The following STAB1 variants were observed in gnomAD, a reference collection of about 807,000 sequenced individuals.
STAB1 encodes stabilin 1, also known as stabilin-1.
In STAB1, 250 loss-of-function variants were observed where a neutral mutation model predicts 332.4. The ratio of observed to expected loss-of-function variants is 0.75; its 90% CI spans 0.68 to 0.84. The LOEUF (loss-of-function observed/expected upper bound fraction) is 0.84. STAB1 is among the 40% of genes least tolerant of loss of function. The pLI is 0.00. For missense variants in STAB1, 3,249 were observed against 3,489.7 expected (o/e 0.93, Z 1.74); for synonymous variants, 1,475 against 1,390.4 (o/e 1.06, Z -1.35).
chr3:52,505,639 C>A, intron 14 of STAB1, 29 bp from the exon 15 acceptor site: 1 of 1,605,326 alleles, frequency 6.2e-7, no homozygotes. Context: ...GGCCATGCAA[C>A]CCCCTGAGCC....
chr3:52,515,355 C>A, intron 36 of STAB1, 68 bp from the exon 37 acceptor site: 1 of 1,461,806 alleles, frequency 6.8e-7, no homozygotes, highest in Non-Finnish European at 9.5e-7. Context: ...ATCTGTCTGT[C>A]TCCCCATTCA....
At chr3:52,502,132 A>G (rs764048212) in intron 4 of STAB1, 27 bp from the exon 5 acceptor site, 11 of 1,613,486 alleles carry the variant, frequency 6.8e-6, no homozygotes, top group Admixed American at 5.0e-5. Context: ...CAGAGGGGCC[A>G]CGCTGACTTG....
chr3:52,521,348 A>G lies in STAB1; in HGVS notation c.5909-13A>G. The stretch of plus-strand genomic sequence containing the variant: ...CCCCTGGCCCCACCTCACTTCTCCT[A>G]CCCCATCCCCAGCTTGCCCTGGCGG... On this transcript the variant is annotated splice_polypyrimidine_tract_variant and intron_variant, in intron 55 of 68. Coordinates refer to ENST00000321725, the MANE Select transcript of STAB1 (RefSeq NM_015136.3). The G allele has an allele frequency of 6.2e-7, 1 of 1,613,486 alleles. No homozygotes were observed. The highest frequency in any genetic ancestry group is 1.3e-5 in the African/African-American group (1 of 74,966).
chr3:52,511,605 G>T, intron 25 of STAB1, 45 bp from the exon 26 acceptor site: 1 of 1,545,298 alleles, frequency 6.5e-7, no homozygotes, highest in South Asian at 1.2e-5. Context: ...AGAAAGGGTT[G>T]GATGCTCATC....
At chr3:52,518,264 C>A in intron 45 of STAB1, 48 bp from the exon 46 acceptor site, 1 of 1,607,336 alleles carries the variant, frequency 6.2e-7, no homozygotes, top group Non-Finnish European at 8.5e-7. Context: ...AGGCACCAGG[C>A]CCTGAATGGG....
intron 16 of STAB1, 23 bp downstream of exon 16, chr3:52,505,959 G>T: frequency 1.2e-6 from 2 of 1,612,956 alleles, no homozygotes; most frequent in Non-Finnish European, 1.7e-6. Flanking sequence ...TTTCTGGGGG[G>T]CGGCCAGCTT....
intron 47 of STAB1, 43 bp downstream of exon 47, chr3:52,518,656 T>C: frequency 6.2e-7 from 1 of 1,611,562 alleles, no homozygotes; most frequent in Non-Finnish European, 8.5e-7. Context: ...CTGGGTGCTC[T>C]GGTGGTGGCC....
intron 20 of STAB1, 67 bp from the exon 21 acceptor site, chr3:52,508,206 C>CA (rs924697569): frequency 1.3e-6 from 2 of 1,493,398 alleles, no homozygotes; most frequent in Non-Finnish European, 9.2e-7. Flanking sequence ...GGCCAGGGAG[C>CA]AGAGGCAGCC....
chr3:52,518,056 C>T (rs2078934329), intron 45 of STAB1, 53 bp downstream of exon 45: 2 of 1,558,180 alleles, frequency 1.3e-6, no homozygotes, highest in Non-Finnish European at 1.7e-6. Flanking sequence ...GCCCCATGGG[C>T]CTGACCCATG....
intron 18 of STAB1, 39 bp downstream of exon 18, chr3:52,506,889 C>G: frequency 6.2e-7 from 1 of 1,601,992 alleles, no homozygotes; most frequent in African/African-American, 1.3e-5. Flanking sequence ...TACTCACTAA[C>G]CCCTGTCAGC....
At chr3:52,514,234 C>T (rs1215973933) in intron 33 of STAB1, 21 bp downstream of exon 33, 1 of 1,611,962 alleles carries the variant, frequency 6.2e-7, no homozygotes, top group Non-Finnish European at 8.5e-7. Flanking sequence ...GGGGATGGGG[C>T]AATGGCAGGG....
At chr3:52,496,512 A>G (rs548826539) in intron 1 of STAB1, among the ~76,000 whole-genome samples, 2 of 152,286 alleles carry the variant, frequency 1.3e-5, no homozygotes, top group South Asian at 4.1e-4. Context: ...GGTCCCTCAG[A>G]GAGGCAGCAG....
Position 52,516,707 on chromosome 3 carries a change from G to T in STAB1, c.4302G>T (p.Ser1434=). Residue 1434 remains serine, a synonymous_variant, in exon 41 of 69, where the codon TCG becomes TCT. Transcript: ENST00000321725. ...CDPNANCVQD[S]AGASTCACAA... is the part of the protein sequence containing the mutation. ...CCCCTCCCAGCTGCGTGCAGGACTC[G>T]GCCGGAGCCTCCACCTGCGCCTGTG... 1 of 1,612,224 alleles carries T rather than the reference G, an allele frequency of 6.2e-7. No homozygotes were observed. The highest frequency in any genetic ancestry group is 8.5e-7 in the Non-Finnish European group (1 of 1,179,870).
At position 52,505,682 on chromosome 3, in the gene STAB1, C is replaced by T. The variant is rs754958884; in HGVS notation, c.1596C>T (p.Pro532=). 1.2e-6 allele frequency: 2 copies of T among 1,613,510 alleles called. No individual in the cohort carries two copies. The highest frequency in any genetic ancestry group is 1.7e-6 in the Non-Finnish European group (2 of 1,180,030). ...FETILENCGL[P]SILDGPGPFT... is the part of the protein sequence containing the mutation. ...CACCACCACAGAACTGTGGGCTGCC[C>T]TCCATCCTGGACGGACCTGGGCCCT... Residue 532 remains proline, a synonymous_variant, in exon 15 of 69, where the codon CCC becomes CCT. Transcript: ENST00000321725.
chr3:52,513,075 C>G, intron 29 of STAB1, 55 bp from the exon 30 acceptor site: 1 of 1,553,886 alleles, frequency 6.4e-7, no homozygotes, highest in Non-Finnish European at 8.7e-7. Flanking sequence ...CCCCAAAGGT[C>G]TCTGTAAGTT....
chr3:52,523,775 A>G lies in STAB1; in HGVS notation c.7395+19A>G, dbSNP rs2079165035. On this transcript the variant is annotated intron_variant, in intron 66 of 68. Coordinates refer to ENST00000321725, the MANE Select transcript of STAB1 (RefSeq NM_015136.3). The stretch of plus-strand genomic sequence containing the variant: ...ACAGCCCGTGAGTTGAGGAAGGGGG[A>G]GGCAGAGCCCTTCCTGGCACCCCCA... 6.3e-7 allele frequency: 1 copy of G among 1,591,574 alleles called. No homozygotes were observed. Among genetic ancestry groups the G allele is most frequent in the Non-Finnish European group, 8.6e-7 (1 of 1,163,960 alleles).
Position 52,503,412 on chromosome 3 carries a change from G to C in STAB1, c.763G>C (p.Ala255Pro), listed in dbSNP as rs776024440. 1.9e-6 allele frequency: 3 copies of C among 1,613,712 alleles called. No individual in the cohort carries two copies. The South Asian group carries it at 3.3e-5, about 18-fold the overall frequency. Residue 255 changes from alanine to proline, a missense_variant, in exon 8 of 69, where the codon GCT becomes CCT. Transcript: ENST00000321725. The part of the protein sequence containing the change: ...AQCSVSPKGQ[A>P]QCHCPENYHG... ...GTGCTCGGTGAGCCCCAAGGGGCAG[G>C]CTCAGTGTCACTGCCCTGAGAACTA...
At chr3:52,507,252 C>G (rs751739219) in intron 18 of STAB1, among the ~76,000 whole-genome samples, 7 of 152,202 alleles carry the variant, frequency 4.6e-5, no homozygotes, top group Non-Finnish European at 1.0e-4. Flanking sequence ...ACCATGTTGG[C>G]CAGGCTGGTT....
At position 52,503,004 on chromosome 3, in the gene STAB1, C is replaced by A; in HGVS notation, c.589C>A (p.Pro197Thr). The A allele has an allele frequency of 6.3e-7, 1 of 1,580,306 alleles. No individual in the cohort carries two copies. The change falls in exon 7 of 69, where the codon CCC becomes ACC. Residue 197 changes from proline (P) to threonine (T), a missense_variant. Physicochemically the swap from Pro to Thr is conservative, Grantham distance 38. Coordinates refer to ENST00000321725, the MANE Select transcript of STAB1 (RefSeq NM_015136.3). ...YTGPHCDQEL[P>T]VCQELRCPQN... ...GCTCTCTCCACTCTGCGCAGAGCTG[C>A]CCGTCTGCCAGGAGCTGCGCTGTCC...
Sources: gnomAD v4.1 joint callset for allele counts (sites outside exome capture counted in the v4.1 genomes callset) on GRCh38, gnomAD v4.1.1 for gene constraint, MANE v1.5 for transcripts, NCBI Gene and HGNC (gene_info 2026-07-23, HGNC 2026-07-21) for gene names.